The following CDH13 variants were observed in gnomAD, a reference collection of about 807,000 sequenced individuals.
CDH13 encodes the protein cadherin-13.
CDH13 carries 24 observed loss-of-function variants against 63.8 expected under a neutral mutation model. The observed-to-expected ratio is 0.38, with a 90% CI of 0.27 to 0.53. The LOEUF is 0.53. CDH13 is among the 20% of genes least tolerant of loss of function. CDH13 has a pLI of 0.85. For missense variants in CDH13, 1,049 were observed against 903.1 expected, an observed-to-expected ratio of 1.16 and a Z score of -2.07; for synonymous variants, 503 against 355.3, an observed-to-expected ratio of 1.42 and a Z score of -4.67.
chr16:83,317,802 GAA>G, intron 5 of CDH13, among the ~76,000 whole-genome samples: 1 of 132,984 alleles, frequency 7.5e-6, no homozygotes, highest in African/African-American at 2.8e-5. Flanking sequence ...TCTGTCTCAA[GAA>G]AAAAAAAAAA....
chr16:83,322,584 G>C (rs1181806488), intron 5 of CDH13, among the ~76,000 whole-genome samples: 1 of 152,132 alleles, frequency 6.6e-6, no homozygotes, highest in African/African-American at 2.4e-5. Context: ...GGGTGCAGCA[G>C]TATATACCTG....
At chr16:82,962,830 A>C (rs907202937) in intron 2 of CDH13, among the ~76,000 whole-genome samples, 2 of 152,170 alleles carry the variant, frequency 1.3e-5, no homozygotes, top group Admixed American at 6.5e-5. Flanking sequence ...GTGAAATAGA[A>C]ACAAACTTAA....
rs767710437 is a variant in CDH13 at position 82,714,812 on chromosome 16, G to T, written c.45+87675G>T. ...GGGGTGACGCAGCTACAATTCAAGGGACACCAAAACTGCCAGCAATGACCA... is the reference window on the plus strand; with the variant it reads ...GGGGTGACGCAGCTACAATTCAAGGTACACCAAAACTGCCAGCAATGACCA... On this transcript the variant is annotated intron_variant, in intron 1 of 13. Transcript: ENST00000567109. Among the ~76,000 whole-genome samples, 3 of 143,542 alleles carry T rather than the reference G, an allele frequency of 2.1e-5. No individual in the cohort carries two copies. In the Admixed American group the frequency reaches 2.2e-4, roughly 10 times the overall value. 94.2% of individuals were successfully genotyped at this position (143,542 alleles called of 152,430 possible). A position where few individuals can be genotyped will look rare whatever the true frequency, so the allele number is the denominator to read the frequency against.
chr16:83,556,349 A>G (rs188384127), intron 7 of CDH13, among the ~76,000 whole-genome samples: 14 of 152,328 alleles, frequency 9.2e-5, no homozygotes, highest in African/African-American at 3.4e-4. Context: ...GAGGAGGCAA[A>G]TACTGGTTAA....
Position 83,478,836 on chromosome 16 carries a change from G to GAA in CDH13, c.782-7625_782-7624dup, listed in dbSNP as rs374669824. ...GGCCAGTAGAGTCTTTTGAAGATGA[G>GAA]AAAAAAAAAAAAAAAAAGAAAAAAA... On this transcript the variant is annotated intron_variant, in intron 6 of 13. Transcript: ENST00000567109. Among the ~76,000 whole-genome samples, 384 of 112,246 alleles carry GAA rather than the reference G, an allele frequency of 3.4e-3. 1 individual carries two copies. The highest frequency in any genetic ancestry group is 6.9e-3 in the African/African-American group (206 of 29,984). The allele number at this position is 112,246 out of a possible 152,430, so 73.6% of individuals were successfully genotyped here. A position where few individuals can be genotyped will look rare whatever the true frequency, so the allele number is the denominator to read the frequency against.
chr16:83,119,678 A>G (rs1299578208), intron 3 of CDH13, among the ~76,000 whole-genome samples: 3 of 152,208 alleles, frequency 2.0e-5, no homozygotes, highest in African/African-American at 4.8e-5. Context: ...GGCTTCATGC[A>G]TGAAATGACA....
intron 3 of CDH13, among the ~76,000 whole-genome samples, chr16:83,033,031 G>T (rs1187602351): frequency 1.3e-5 from 2 of 152,098 alleles, no homozygotes; most frequent in Non-Finnish European, 2.9e-5. Context: ...GGTGCTGTAT[G>T]TGTATATGTT....
At chr16:83,280,469 C>T (rs890576432) in intron 5 of CDH13, among the ~76,000 whole-genome samples, 1 of 152,202 alleles carries the variant, frequency 6.6e-6, no homozygotes, top group African/African-American at 2.4e-5. Context: ...ATCACATCTG[C>T]AGTTCCTTCT....
At chr16:83,191,466 T>TATATATATATATATATATATGCAC in intron 4 of CDH13, among the ~76,000 whole-genome samples, 2 of 116,182 alleles carry the variant, frequency 1.7e-5, no homozygotes, top group Non-Finnish European at 3.7e-5. Flanking sequence ...GAAATATATA[T>TATATATATATATATATATATGCAC]ATATATATAT....
Position 83,273,625 on chromosome 16 carries a change from C to G in CDH13, c.636+56128C>G, listed in dbSNP as rs116053182. 4.2e-3 allele frequency among the ~76,000 whole-genome samples: 640 copies of G among 152,186 alleles called. 3 individuals are homozygous for G. The highest frequency in any genetic ancestry group is 0.014 in the African/African-American group (580 of 41,506). On this transcript the variant is annotated intron_variant, in intron 5 of 13. Coordinates refer to ENST00000567109, the MANE Select transcript of CDH13 (RefSeq NM_001257.5). Reference sequence around the variant, plus strand: ...CTAAACAATATGAATTCTTAAGAAGCCAACAGGGAGGCCCATTTAAAAGCA... The same window carrying G: ...CTAAACAATATGAATTCTTAAGAAGGCAACAGGGAGGCCCATTTAAAAGCA...
intron 3 of CDH13, among the ~76,000 whole-genome samples, chr16:83,056,656 G>C (rs1236807963): frequency 1.3e-5 from 2 of 152,168 alleles, no homozygotes; most frequent in Non-Finnish European, 2.9e-5. Flanking sequence ...GGATGGTGGT[G>C]ATATGGTTTG....
chr16:83,694,770 G>A (rs72797235), intron 10 of CDH13, among the ~76,000 whole-genome samples: 16,285 of 152,196 alleles, frequency 0.11, 1,078 homozygotes, highest in Non-Finnish European at 0.15. Flanking sequence ...GCAAGAGAAG[G>A]CACTCTGCCC....
At chr16:82,973,442 T>C (rs1236156324) in intron 2 of CDH13, among the ~76,000 whole-genome samples, 1 of 152,234 alleles carries the variant, frequency 6.6e-6, no homozygotes, top group Non-Finnish European at 1.5e-5. Flanking sequence ...GTTTTCCCAC[T>C]GTTCACTGTT....
intron 7 of CDH13, among the ~76,000 whole-genome samples, chr16:83,494,872 G>C (rs1221667779): frequency 1.3e-5 from 2 of 152,144 alleles, no homozygotes; most frequent in Non-Finnish European, 2.9e-5. Flanking sequence ...TGAACACTTT[G>C]GGGTTCTAAA....
intron 6 of CDH13, among the ~76,000 whole-genome samples, chr16:83,430,902 G>A (rs1194816861): frequency 1.3e-5 from 2 of 151,498 alleles, no homozygotes; most frequent in Non-Finnish European, 2.9e-5. Flanking sequence ...GTGCCACACT[G>A]GTGTGCTGCA....
At chr16:83,525,799 A>G (rs932442376) in intron 7 of CDH13, among the ~76,000 whole-genome samples, 3 of 152,216 alleles carry the variant, frequency 2.0e-5, no homozygotes, top group Admixed American at 6.5e-5. Context: ...TTTCTGGCTC[A>G]GAGAAAATGT....
chr16:83,467,836 G>C (rs1339422718), intron 6 of CDH13, among the ~76,000 whole-genome samples: 1 of 152,138 alleles, frequency 6.6e-6, no homozygotes, highest in Non-Finnish European at 1.5e-5. Flanking sequence ...AGTCTTCCTG[G>C]GGTCCGATGT....
At chr16:83,376,150 C>T (rs1232227438) in intron 6 of CDH13, among the ~76,000 whole-genome samples, 1 of 152,150 alleles carries the variant, frequency 6.6e-6, no homozygotes, top group Non-Finnish European at 1.5e-5. Context: ...GGCATTTTCC[C>T]TACTATTTTA....
intron 7 of CDH13, among the ~76,000 whole-genome samples, chr16:83,497,670 C>T (rs1353731061): frequency 6.6e-6 from 1 of 151,968 alleles, no homozygotes; most frequent in Non-Finnish European, 1.5e-5. Flanking sequence ...AAAAAAGTGA[C>T]CATTAAAAAT....
Sources: gnomAD v4.1 joint callset for allele counts (sites outside exome capture counted in the v4.1 genomes callset) on GRCh38, gnomAD v4.1.1 for gene constraint, MANE v1.5 for transcripts, NCBI Gene and HGNC (gene_info 2026-07-23, HGNC 2026-07-21) for gene names.